Variants in SUCLG2 observed in about 807,000 individuals in gnomAD.
The protein encoded by SUCLG2 is succinate--CoA ligase [GDP-forming] subunit beta, mitochondrial.
SUCLG2 carries 42 observed loss-of-function variants against 47.9 expected under a neutral mutation model. The ratio of observed to expected loss-of-function variants is 0.88; its 90% CI spans 0.69 to 1.14. SUCLG2 has a LOEUF of 1.14. Ranked by LOEUF, SUCLG2 falls within the 50% of genes most tolerant of loss-of-function variation. SUCLG2 has a pLI of 0.00. For synonymous variants in SUCLG2, 195 were observed against 197.3 expected (o/e 0.99, Z 0.10); for missense variants, 571 against 525.9 (o/e 1.09, Z -0.84).
At chr3:67,464,307 CTAAG>C (rs1704414263) in intron 9 of SUCLG2, among the ~76,000 whole-genome samples, 1 of 152,300 alleles carries the variant, frequency 6.6e-6, no homozygotes, top group South Asian at 2.1e-4. Context: ...ATTCACAGCT[CTAAG>C]AAAGTAAGAA....
At chr3:67,636,110 T>C (rs185987533) in intron 1 of SUCLG2, among the ~76,000 whole-genome samples, 129 of 152,208 alleles carry the variant, frequency 8.5e-4, no homozygotes, top group Non-Finnish European at 1.4e-3. Flanking sequence ...ACTTTGAAAG[T>C]TCATCCTATT....
intron 2 of SUCLG2, among the ~76,000 whole-genome samples, chr3:67,544,136 T>A (rs1055756222): frequency 1.3e-5 from 2 of 152,198 alleles, no homozygotes; most frequent in Admixed American, 1.3e-4. Context: ...TAAAATTGAC[T>A]GGAAGAAATA....
intron 6 of SUCLG2, among the ~76,000 whole-genome samples, chr3:67,512,877 A>G (rs2107109188): frequency 1.3e-5 from 2 of 149,816 alleles, no homozygotes; most frequent in South Asian, 4.2e-4. Context: ...CTCTCTCTCC[A>G]TCTCCATATA....
intron 1 of SUCLG2, 118 bp downstream of exon 1, chr3:67,654,384 TG>T: frequency 2.5e-6 from 2 of 802,304 alleles, no homozygotes; most frequent in Non-Finnish European, 3.3e-6. Flanking sequence ...CCTCCCGAAG[TG>T]GGGCGCCCGA....
intron 2 of SUCLG2, among the ~76,000 whole-genome samples, chr3:67,556,751 A>G (rs1241883524): frequency 6.6e-6 from 1 of 152,184 alleles, no homozygotes; most frequent in Non-Finnish European, 1.5e-5. Flanking sequence ...TGCTTTATGT[A>G]CAAACCAGTA....
At chr3:67,466,013 T>A (rs114601645) in intron 9 of SUCLG2, among the ~76,000 whole-genome samples, 2,417 of 152,256 alleles carry the variant, frequency 0.016, 36 homozygotes, top group Non-Finnish European at 0.021. Context: ...CAGTACTCTT[T>A]TAATGACACA....
intron 2 of SUCLG2, among the ~76,000 whole-genome samples, chr3:67,531,727 T>C (rs1001689075): frequency 1.3e-5 from 2 of 152,164 alleles, no homozygotes; most frequent in East Asian, 1.9e-4. Flanking sequence ...TAAATCAATA[T>C]AGTAAGTCAG....
At chr3:67,601,038 T>G (rs907205665) in intron 2 of SUCLG2, among the ~76,000 whole-genome samples, 2 of 152,110 alleles carry the variant, frequency 1.3e-5, no homozygotes, top group Non-Finnish European at 2.9e-5. Flanking sequence ...ACACAGTCAA[T>G]CTAGAGATTA....
At chr3:67,546,478 T>C (rs897699705) in intron 2 of SUCLG2, among the ~76,000 whole-genome samples, 6 of 152,226 alleles carry the variant, frequency 3.9e-5, no homozygotes, top group African/African-American at 1.4e-4. Flanking sequence ...CTCACACCTG[T>C]AATCCCAGCA....
intron 9 of SUCLG2, among the ~76,000 whole-genome samples, chr3:67,455,929 T>C (rs1284043278): frequency 6.6e-6 from 1 of 152,162 alleles, no homozygotes; most frequent in Non-Finnish European, 1.5e-5. Flanking sequence ...CTCTTCAAAT[T>C]TAACGTATTA....
chr3:67,432,995 C>A (rs2106890379), intron 9 of SUCLG2, among the ~76,000 whole-genome samples: 1 of 152,246 alleles, frequency 6.6e-6, no homozygotes, highest in African/African-American at 2.4e-5. Flanking sequence ...ATCTTAAAAT[C>A]CTCTGAATAG....
intron 9 of SUCLG2, among the ~76,000 whole-genome samples, chr3:67,475,988 C>T (rs201879279): frequency 0.013 from 1,861 of 146,148 alleles, 58 homozygotes; most frequent in African/African-American, 0.044. Flanking sequence ...TTTCCTTCTC[C>T]CTCTCTCTCT....
chr3:67,545,532 G>A (rs568587771), intron 2 of SUCLG2, among the ~76,000 whole-genome samples: 5 of 152,118 alleles, frequency 3.3e-5, no homozygotes, highest in African/African-American at 9.7e-5. Flanking sequence ...TCTATTGCTC[G>A]AATGTTAAAC....
chr3:67,591,504 G>T (rs1708164010), intron 2 of SUCLG2, among the ~76,000 whole-genome samples: 1 of 152,202 alleles, frequency 6.6e-6, no homozygotes, highest in Non-Finnish European at 1.5e-5. Flanking sequence ...ATGGGGGCCA[G>T]TCTTTCCCCT....
intron 2 of SUCLG2, among the ~76,000 whole-genome samples, chr3:67,608,722 G>C (rs1700470756): frequency 6.6e-6 from 1 of 151,676 alleles, no homozygotes; most frequent in African/African-American, 2.4e-5. Context: ...CTGGCGCCCA[G>C]GCTAGAGTAT....
chr3:67,517,597 G>C (rs1265365583), intron 6 of SUCLG2, among the ~76,000 whole-genome samples: 1 of 152,084 alleles, frequency 6.6e-6, no homozygotes, highest in Non-Finnish European at 1.5e-5. Flanking sequence ...ACGATACTAA[G>C]ACAGATTCTG....
Position 67,552,570 on chromosome 3 carries a change from C to T in SUCLG2, c.227-23384G>A, listed in dbSNP as rs1427510106. 2.0e-5 allele frequency among the ~76,000 whole-genome samples: 3 copies of T among 152,164 alleles called. No homozygotes were observed. The East Asian group carries it at 5.8e-4, about 29-fold the overall frequency. Reference sequence around the variant, plus strand: ...TGTCTATAACATAGGAATACGAGAACGTGGATTTGAGTTCAGTAGTCTAGC... The same window carrying T: ...TGTCTATAACATAGGAATACGAGAATGTGGATTTGAGTTCAGTAGTCTAGC... On this transcript the variant is annotated intron_variant, in intron 2 of 10. Coordinates refer to ENST00000307227, the MANE Select transcript of SUCLG2 (RefSeq NM_003848.4).
chr3:67,584,598 C>T lies in SUCLG2; in HGVS notation c.226+24857G>A, dbSNP rs3952242. Among the ~76,000 whole-genome samples, 261 of 152,146 alleles carry T rather than the reference C, an allele frequency of 1.7e-3. 4 individuals are homozygous for T. The East Asian group carries it at 0.036, about 21-fold the overall frequency. On this transcript the variant is annotated intron_variant, in intron 2 of 10. Coordinates refer to ENST00000307227, the MANE Select transcript of SUCLG2 (RefSeq NM_003848.4). The stretch of plus-strand genomic sequence containing the variant: ...GTTCTTTGTGTTGCCAAAGAGTATT[C>T]CATTGTGTGGTGTATTAGTCCATAT...
Position 67,375,429 on chromosome 3 carries a change from T to A in SUCLG2, c.*315A>T. The A allele has an allele frequency of 9.8e-7, 1 of 1,018,176 alleles. No homozygotes were observed. The highest frequency in any genetic ancestry group is 1.2e-6 in the Non-Finnish European group (1 of 851,822). The allele number at this position is 1,018,176 out of a possible 1,614,324, so 63.1% of individuals were successfully genotyped here. On this transcript the variant is annotated 3_prime_UTR_variant, in exon 11 of 11. Coordinates refer to ENST00000307227, the MANE Select transcript of SUCLG2 (RefSeq NM_003848.4). ...CTTGTAAATGAAGCAGGACTTGATT[T>A]CAAATTCTGTCTATACACACAATAT...
Sources: gnomAD v4.1 joint callset for allele counts (sites outside exome capture counted in the v4.1 genomes callset) on GRCh38, gnomAD v4.1.1 for gene constraint, MANE v1.5 for transcripts, NCBI Gene and HGNC (gene_info 2026-07-23, HGNC 2026-07-21) for gene names.